The following EIF4H variants were observed in gnomAD, a reference collection of about 807,000 sequenced individuals.
The protein encoded by EIF4H is Williams-Beuren syndrome chromosome region 1.
A neutral mutation model predicts 30.6 loss-of-function variants in EIF4H; 8 were observed. The ratio of observed to expected loss-of-function variants is 0.26; its 90% CI spans 0.15 to 0.47. EIF4H has a LOEUF of 0.47. Among genes scored for constraint, EIF4H ranks in the 20% least tolerant of loss-of-function variants. The probability of loss-of-function intolerance (pLI) is 0.99; values close to 1 mark genes in which losing one functional copy is unlikely to be tolerated. For missense variants in EIF4H, 188 were observed against 339.5 expected (o/e 0.55, Z 3.51); for synonymous variants, 106 against 122.7 (o/e 0.86, Z 0.90).
chr7:74,180,565 C>T (rs560862602), intron 1 of EIF4H, among the ~76,000 whole-genome samples: 21 of 152,170 alleles, frequency 1.4e-4, no homozygotes, highest in Non-Finnish European at 2.6e-4. Flanking sequence ...ACACAAAGAC[C>T]TGTTGTGAGA....
Position 74,193,462 on chromosome 7 carries a change from C to T in EIF4H, c.470-1279C>T, listed in dbSNP as rs1232393165. The stretch of plus-strand genomic sequence containing the variant: ...GAGGATGACTGTATAGTGCATACTG[C>T]GGGCTCTGGGGGTTCTTCTCAAAGA... On this transcript the variant is annotated intron_variant, in intron 5 of 6. Coordinates refer to ENST00000265753, the MANE Select transcript of EIF4H (RefSeq NM_022170.2). Among the ~76,000 whole-genome samples, 5 of 152,072 alleles carry T rather than the reference C, an allele frequency of 3.3e-5. No individual in the cohort carries two copies. The South Asian group carries it at 6.2e-4, about 19-fold the overall frequency.
At chr7:74,186,220 C>T (rs1385645533) in intron 1 of EIF4H, among the ~76,000 whole-genome samples, 2 of 150,462 alleles carry the variant, frequency 1.3e-5, no homozygotes, top group African/African-American at 2.5e-5. Flanking sequence ...ATACTATATT[C>T]TGATGTCTTT....
intron 1 of EIF4H, among the ~76,000 whole-genome samples, chr7:74,179,874 C>T (rs889473508): frequency 2.0e-5 from 3 of 152,028 alleles, no homozygotes; most frequent in Non-Finnish European, 1.5e-5. Context: ...ACAGGTTTTC[C>T]GAAACTCTTT....
intron 1 of EIF4H, among the ~76,000 whole-genome samples, chr7:74,175,864 A>T (rs562195214): frequency 6.6e-6 from 1 of 152,262 alleles, no homozygotes; most frequent in South Asian, 2.1e-4. Context: ...GTGGGGATTT[A>T]AAAAAATTTC....
intron 5 of EIF4H, among the ~76,000 whole-genome samples, chr7:74,193,165 G>A (rs537952883): frequency 6.6e-6 from 1 of 152,296 alleles, no homozygotes; most frequent in South Asian, 2.1e-4. Context: ...CTTAAGAACA[G>A]CAGACAGCAC....
intron 1 of EIF4H, among the ~76,000 whole-genome samples, chr7:74,186,857 C>T (rs1038361454): frequency 4.5e-5 from 5 of 110,888 alleles, no homozygotes; most frequent in Admixed American, 1.4e-4. Context: ...GAGTCTCTGT[C>T]GCGTGAGCTG....
intron 1 of EIF4H, among the ~76,000 whole-genome samples, chr7:74,186,167 G>A (rs1182698359): frequency 6.6e-6 from 1 of 151,720 alleles, no homozygotes; most frequent in Admixed American, 6.6e-5. Flanking sequence ...GTCGTTCCTG[G>A]GGCATTCTTA....
chr7:74,186,199 A>G (rs1302992393), intron 1 of EIF4H, among the ~76,000 whole-genome samples: 1 of 151,716 alleles, frequency 6.6e-6, no homozygotes, highest in Non-Finnish European at 1.5e-5. Flanking sequence ...GTTTAATATA[A>G]TAATCTATTT....
chr7:74,184,259 T>C (rs1394591606), intron 1 of EIF4H, among the ~76,000 whole-genome samples: 2 of 152,222 alleles, frequency 1.3e-5, no homozygotes, highest in Admixed American at 6.5e-5. Flanking sequence ...TCACCTGGGC[T>C]TCCTGTGCTC....
intron 1 of EIF4H, 69 bp from the exon 2 acceptor site, chr7:74,187,542 A>G (rs372807171): frequency 7.1e-7 from 1 of 1,417,838 alleles, no homozygotes. Context: ...AGCTCAGCGG[A>G]AGACCGCTTT....
chr7:74,186,066 C>T (rs1256778256), intron 1 of EIF4H, among the ~76,000 whole-genome samples: 1 of 152,120 alleles, frequency 6.6e-6, no homozygotes, highest in Admixed American at 6.6e-5. Flanking sequence ...TTTGCTGAAT[C>T]CTTGCTGTAT....
chr7:74,190,307 G>T lies in EIF4H; in HGVS notation c.469+1G>T. 6.2e-7 allele frequency: 1 copy of T among 1,614,076 alleles called. No homozygotes were observed. The highest frequency in any genetic ancestry group is 8.5e-7 in the Non-Finnish European group (1 of 1,179,924). Reference sequence around the variant, plus strand: ...GATTCCCGGGATGACTTCAATTCTGGTATCAGTATTTAAAGTATCACCACT... The same window carrying T: ...GATTCCCGGGATGACTTCAATTCTGTTATCAGTATTTAAAGTATCACCACT... On this transcript the variant is annotated splice_donor_variant, in intron 5 of 6. Coordinates refer to ENST00000265753, the MANE Select transcript of EIF4H (RefSeq NM_022170.2). LOFTEE classifies it high-confidence loss of function.
intron 2 of EIF4H, 73 bp downstream of exon 2, chr7:74,187,871 A>G (rs1389918420): frequency 2.1e-6 from 3 of 1,428,814 alleles, no homozygotes; most frequent in Admixed American, 4.8e-5. Context: ...CTAAATAAAA[A>G]TAGATTTGTG....
intron 1 of EIF4H, among the ~76,000 whole-genome samples, chr7:74,179,360 G>A (rs1252294520): frequency 6.6e-6 from 1 of 152,136 alleles, no homozygotes; most frequent in Non-Finnish European, 1.5e-5. Flanking sequence ...GGCTGGGCGC[G>A]GTGGCTCACT....
At chr7:74,193,525 C>A (rs1394559391) in intron 5 of EIF4H, among the ~76,000 whole-genome samples, 1 of 152,112 alleles carries the variant, frequency 6.6e-6, no homozygotes, top group Admixed American at 6.5e-5. Flanking sequence ...GCACCACTCT[C>A]GCAGAGAGTA....
At chr7:74,176,454 T>C (rs1554707689) in intron 1 of EIF4H, among the ~76,000 whole-genome samples, 1 of 152,192 alleles carries the variant, frequency 6.6e-6, no homozygotes, top group Non-Finnish European at 1.5e-5. Context: ...TTTACAATGC[T>C]TAAGCATCAT....
intron 6 of EIF4H, 102 bp downstream of exon 6, chr7:74,194,980 T>C: frequency 6.6e-7 from 1 of 1,507,324 alleles, no homozygotes; most frequent in Non-Finnish European, 8.9e-7. Flanking sequence ...CACAGAGTTG[T>C]CGGCATAGAT....
intron 2 of EIF4H, among the ~76,000 whole-genome samples, chr7:74,188,438 GGCCC>G (rs1242501362): frequency 2.0e-5 from 3 of 152,284 alleles, no homozygotes; most frequent in Admixed American, 1.3e-4. Context: ...CAGGATGTTT[GGCCC>G]GCATAATCCA....
chr7:74,183,181 A>G (rs1371923932), intron 1 of EIF4H, among the ~76,000 whole-genome samples: 4 of 152,212 alleles, frequency 2.6e-5, no homozygotes, highest in African/African-American at 9.6e-5. Flanking sequence ...GGGTTTCCTA[A>G]ATTACTGAGG....
Sources: allele counts gnomAD v4.1 joint callset (sites outside exome capture counted in the v4.1 genomes callset), GRCh38; gene constraint gnomAD v4.1.1; transcripts MANE v1.5; gene names NCBI Gene and HGNC (gene_info 2026-07-23, HGNC 2026-07-21).